The following IFTAP variants were observed in gnomAD, a reference collection of about 807,000 sequenced individuals.
The protein encoded by IFTAP is intraflagellar transport-associated protein.
A neutral mutation model predicts 19.4 loss-of-function variants in IFTAP; 19 were observed. The ratio of observed to expected loss-of-function variants is 0.98; its 90% confidence interval spans 0.68 to 1.44. IFTAP has a LOEUF of 1.44. Among genes scored for constraint, IFTAP ranks in the 40% most tolerant of loss-of-function variants. The pLI, the probability that IFTAP is intolerant of heterozygous loss-of-function variation, is 0.00. For synonymous variants in IFTAP, 85 were observed against 83.5 expected (o/e 1.02, Z -0.10); for missense variants, 240 against 253.6 (o/e 0.95, Z 0.36).
chr11:36,637,093 G>A (rs1056340240), intron 4 of IFTAP, among the ~76,000 whole-genome samples: 4 of 152,140 alleles, frequency 2.6e-5, no homozygotes, highest in Non-Finnish European at 4.4e-5. Flanking sequence ...GGTCATTAGT[G>A]TTGGGGGAGG....
chr11:36,658,556 T>C (rs1430836177), intron 5 of IFTAP, among the ~76,000 whole-genome samples: 1 of 152,190 alleles, frequency 6.6e-6, no homozygotes, highest in African/African-American at 2.4e-5. Flanking sequence ...ATATTCAATG[T>C]AGGGTATTTT....
At chr11:36,641,624 C>A (rs1308687364) in intron 4 of IFTAP, among the ~76,000 whole-genome samples, 2 of 152,192 alleles carry the variant, frequency 1.3e-5, no homozygotes, top group East Asian at 1.9e-4. Context: ...TTTGATTGCA[C>A]TGTGGTCAGA....
At chr11:36,633,099 A>G (rs1379350999) in intron 2 of IFTAP, among the ~76,000 whole-genome samples, 185 bp from the exon 3 acceptor site, 14 of 151,282 alleles carry the variant, frequency 9.3e-5, no homozygotes, top group Non-Finnish European at 1.5e-5. Context: ...ACATAATGTT[A>G]TCTTTCTATC....
At chr11:36,596,222 GTTT>G (rs67282079) in intron 1 of IFTAP, among the ~76,000 whole-genome samples, 1 of 118,364 alleles carries the variant, frequency 8.4e-6, no homozygotes, top group Admixed American at 8.7e-5. Flanking sequence ...TTTTTTTTTT[GTTT>G]TTTTTTTTTT....
chr11:36,612,453 G>A (rs1197688904), intron 2 of IFTAP, among the ~76,000 whole-genome samples: 2 of 151,944 alleles, frequency 1.3e-5, no homozygotes, highest in African/African-American at 4.8e-5. Context: ...CAGGACTTAG[G>A]GACAGGTCTG....
chr11:36,610,148 A>C lies in IFTAP; in HGVS notation c.45A>C (p.Gln15His). 2 of 1,612,636 alleles carry C rather than the reference A, an allele frequency of 1.2e-6. No homozygotes were observed. Among genetic ancestry groups the C allele is most frequent in the Non-Finnish European group, 1.7e-6 (2 of 1,178,818 alleles). ...MSGLEIMDED[Q>H]LIKDVLDKFL... ...GATTGGAAATAATGGATGAAGATCA[A>C]TTAATCAAAGACGTCTTGGATAAAT... is the stretch of plus-strand genomic sequence containing the variant. Residue 15 changes from glutamine to histidine, a missense_variant, in exon 2 of 6, where the codon CAA becomes CAC. Gln to His is a conservative substitution (Grantham distance 24). Transcript: ENST00000334307.
At chr11:36,646,329 C>T (rs1235045298) in intron 4 of IFTAP, among the ~76,000 whole-genome samples, 2 of 152,192 alleles carry the variant, frequency 1.3e-5, no homozygotes, top group East Asian at 3.9e-4. Flanking sequence ...CCAAGCCTGT[C>T]TCTTGCTGCT....
At chr11:36,651,169 C>A (rs551962386) in intron 5 of IFTAP, among the ~76,000 whole-genome samples, 1 of 152,298 alleles carries the variant, frequency 6.6e-6, no homozygotes, top group East Asian at 1.9e-4. Context: ...TACAGTCCCA[C>A]CAACAGTGTA....
intron 1 of IFTAP, among the ~76,000 whole-genome samples, chr11:36,608,204 G>T (rs1851761039): frequency 6.6e-6 from 1 of 152,146 alleles, no homozygotes; most frequent in Admixed American, 6.5e-5. Flanking sequence ...AGATTTAGAA[G>T]TATATTCTTT....
chr11:36,607,242 C>G (rs1006986014), intron 1 of IFTAP, among the ~76,000 whole-genome samples: 1 of 152,006 alleles, frequency 6.6e-6, no homozygotes, highest in Non-Finnish European at 1.5e-5. Flanking sequence ...ACTGATCCAT[C>G]ATCATCATCA....
At chr11:36,654,319 C>CTTTAT (rs150017621) in intron 5 of IFTAP, among the ~76,000 whole-genome samples, 7 of 151,796 alleles carry the variant, frequency 4.6e-5, no homozygotes, top group Admixed American at 1.3e-4. Flanking sequence ...TCCTGTGATT[C>CTTTAT]TTTATTTTAT....
chr11:36,629,803 GAAATTGA>G (rs1218854003), intron 2 of IFTAP, among the ~76,000 whole-genome samples: 1 of 151,000 alleles, frequency 6.6e-6, no homozygotes, highest in East Asian at 1.9e-4. Flanking sequence ...GTATCAAAAG[GAAATTGA>G]AATTCCATTG....
At chr11:36,614,954 T>C (rs1158744492) in intron 2 of IFTAP, among the ~76,000 whole-genome samples, 6 of 145,368 alleles carry the variant, frequency 4.1e-5, no homozygotes, top group African/African-American at 8.0e-5. Flanking sequence ...TTGTCTTTTG[T>C]TGCCATTGCT....
At chr11:36,626,466 C>A (rs532139874) in intron 2 of IFTAP, among the ~76,000 whole-genome samples, 1 of 151,454 alleles carries the variant, frequency 6.6e-6, no homozygotes, top group South Asian at 2.1e-4. Flanking sequence ...AGTGGACTCT[C>A]AGTGTAGAAC....
intron 4 of IFTAP, among the ~76,000 whole-genome samples, chr11:36,639,756 C>G (rs1170827746): frequency 6.6e-6 from 1 of 152,206 alleles, no homozygotes; most frequent in African/African-American, 2.4e-5. Flanking sequence ...CCTCCAGTAC[C>G]TACCTCCAAC....
intron 1 of IFTAP, among the ~76,000 whole-genome samples, chr11:36,607,021 T>A (rs1405187165): frequency 6.6e-6 from 1 of 152,214 alleles, no homozygotes; most frequent in Non-Finnish European, 1.5e-5. Context: ...TTTTTTCAGG[T>A]ACAAATAGCT....
Position 36,610,128 on chromosome 11 carries a change from G to A in IFTAP, c.25G>A (p.Glu9Lys). ...AATGTCTGCCCATATGTCAGGATTGGAAATAATGGATGAAGATCAATTAAT... is the reference window on the plus strand; with the variant it reads ...AATGTCTGCCCATATGTCAGGATTGAAAATAATGGATGAAGATCAATTAAT... MSAHMSGL[E>K]IMDEDQLIKD... The change falls in exon 2 of 6, where the codon GAA becomes AAA. Residue 9 changes from glutamate to lysine, a missense_variant. By Grantham distance (56) the Glu-to-Lys change is moderately conservative. Transcript: ENST00000334307. 1 of 1,613,086 alleles carries A rather than the reference G, an allele frequency of 6.2e-7. No individual in the cohort carries two copies. The highest frequency in any genetic ancestry group is 1.1e-5 in the South Asian group (1 of 90,998).
intron 2 of IFTAP, among the ~76,000 whole-genome samples, chr11:36,631,815 AT>A (rs1424367892): frequency 6.6e-6 from 1 of 150,806 alleles, no homozygotes; most frequent in African/African-American, 2.5e-5. Flanking sequence ...TTTAGTGATC[AT>A]TGACGTAGGT....
intron 2 of IFTAP, among the ~76,000 whole-genome samples, chr11:36,617,554 G>T (rs1441978269): frequency 6.6e-6 from 1 of 151,872 alleles, no homozygotes; most frequent in African/African-American, 2.4e-5. Context: ...ACTGATTTAG[G>T]CTACAGATTC....
Sources: allele counts gnomAD v4.1 joint callset (sites outside exome capture counted in the v4.1 genomes callset), GRCh38; gene constraint gnomAD v4.1.1; transcripts MANE v1.5; gene names NCBI Gene and HGNC (gene_info 2026-07-23, HGNC 2026-07-21).